The following ULK1 variants were observed in gnomAD, a reference collection of about 807,000 sequenced individuals.
ULK1 encodes unc-51 like autophagy activating kinase 1.
Under a neutral mutation model 117.5 loss-of-function variants are expected in ULK1, and 48 were observed. The ratio of observed to expected loss-of-function variants is 0.41; its 90% CI spans 0.32 to 0.52. ULK1 has a LOEUF of 0.52. ULK1 is among the 20% of genes least tolerant of loss of function. ULK1 has a pLI of 0.29. For missense variants in ULK1, 1,387 were observed against 1,473.4 expected (o/e 0.94, Z 0.96); for synonymous variants, 790 against 637.8 (o/e 1.24, Z -3.60).
At chr12:131,907,778 G>T (rs1420881765) in intron 5 of ULK1, among the ~76,000 whole-genome samples, 1 of 152,142 alleles carries the variant, frequency 6.6e-6, no homozygotes, top group Admixed American at 6.5e-5. Context: ...GACCAGAATA[G>T]CCCGAGGGGA....
rs902136105 is a variant in ULK1 at position 131,921,922 on chromosome 12, A to G, written c.*561A>G. 1 of 456,546 alleles carries G rather than the reference A, an allele frequency of 2.2e-6. No homozygotes were observed. Among genetic ancestry groups the G allele is most frequent in the African/African-American group, 2.0e-5 (1 of 50,098 alleles). The allele number at this position is 456,546 out of a possible 1,614,324, so 28.3% of individuals were successfully genotyped here. On this transcript the variant is annotated 3_prime_UTR_variant, in exon 28 of 28. Coordinates refer to ENST00000321867, the MANE Select transcript of ULK1 (RefSeq NM_003565.4). ...TGGCAGTGGCCTGGTGTTTGTACAT[A>G]CACATATGCAGACACATGCCAGGGC...
chr12:131,915,465 C>T lies in ULK1; in HGVS notation c.1609+44C>T, dbSNP rs772357359. 18 of 1,596,486 alleles carry T rather than the reference C, an allele frequency of 1.1e-5. No homozygotes were observed. In the East Asian group the frequency reaches 2.0e-4, roughly 18 times the overall value. On this transcript the variant is annotated intron_variant, in intron 18 of 27. Transcript: ENST00000321867. ...GGGGAGGGGGTGCTAGGCTGACCTC[C>T]CTCGCTCACGTTGTCATCCTGGTCT...
chr12:131,917,689 G>C, intron 22 of ULK1, 135 bp downstream of exon 22: 1 of 941,266 alleles, frequency 1.1e-6, no homozygotes, highest in Non-Finnish European at 1.4e-6. Context: ...AGCAGCTCAG[G>C]CCCCTGAGAA....
rs750357540 is a variant in ULK1, at chr12:131,917,096, A to ACGGGGC, written c.2182+34_2182+35insCGGGGC. 5.2e-4 allele frequency: 645 copies of ACGGGGC among 1,232,892 alleles called. 64 individuals are homozygous for ACGGGGC. The highest frequency in any genetic ancestry group is 5.7e-4 in the South Asian group (39 of 68,940). 76.4% of individuals were successfully genotyped at this position (1,232,892 alleles called of 1,614,324 possible). On this transcript the variant is annotated intron_variant, in intron 21 of 27. Coordinates refer to ENST00000321867, the MANE Select transcript of ULK1 (RefSeq NM_003565.4). ...GTGGGTGGGGCTCGGAGGCTGTGGG[A>ACGGGGC]TGGGGGTCGGAGGCTGTGGGATGGG...
At chr12:131,900,636 G>A (rs1285288213) in intron 3 of ULK1, among the ~76,000 whole-genome samples, 1 of 148,762 alleles carries the variant, frequency 6.7e-6, no homozygotes, top group African/African-American at 2.4e-5. Context: ...TGCTGATGGT[G>A]GCCCCCCTGG....
chr12:131,910,850 C>T (rs1566120660), intron 12 of ULK1, 50 bp downstream of exon 12: 1 of 1,607,448 alleles, frequency 6.2e-7, no homozygotes, highest in East Asian at 2.2e-5. Context: ...ACTCAGCAGT[C>T]AGGGGCTCCA....
At chr12:131,920,776 G>A (rs894407578) in intron 26 of ULK1, 5 of 354,982 alleles carry the variant, frequency 1.4e-5, no homozygotes, top group East Asian at 4.6e-5. Flanking sequence ...ACAAACATGG[G>A]AAAAGTCAGC....
chr12:131,912,084 T>G lies in ULK1; in HGVS notation c.1091T>G (p.Phe364Cys). 6.2e-7 allele frequency: 1 copy of G among 1,611,508 alleles called. No homozygotes were observed. The highest frequency in any genetic ancestry group is 8.5e-7 in the Non-Finnish European group (1 of 1,179,284). ...GACTTCGTCATGGTCCCCGCGCAGTTTCCAGGTCAGGGGGCACGCTGGGCT... is the reference window on the plus strand; with the variant it reads ...GACTTCGTCATGGTCCCCGCGCAGTGTCCAGGTCAGGGGGCACGCTGGGCT... ...TDDFVMVPAQ[F>C]PGDLVAEAPS... The change falls in exon 13 of 28, where the codon TTT (phenylalanine) becomes TGT (cysteine). Residue 364 changes from phenylalanine (F) to cysteine (C), a missense_variant. Coordinates refer to ENST00000321867, the MANE Select transcript of ULK1 (RefSeq NM_003565.4).
At chr12:131,914,249 C>A (rs1889673010) in intron 15 of ULK1, 103 bp from the exon 16 acceptor site, 3 of 1,536,270 alleles carry the variant, frequency 2.0e-6, no homozygotes, top group Non-Finnish European at 1.8e-6. Context: ...TCTGCCCTAA[C>A]TAGGAAGTCT....
At chr12:131,919,695 G>A (rs1593277687) in intron 25 of ULK1, 105 bp downstream of exon 25, 11 of 1,278,020 alleles carry the variant, frequency 8.6e-6, no homozygotes, top group Non-Finnish European at 1.2e-5. Context: ...GTAGGCCCCT[G>A]TGCAGAGGTG....
rs569199199 is a variant in ULK1, at chr12:131,921,414, C to T, written c.*53C>T. 790 of 1,597,860 alleles carry T rather than the reference C, an allele frequency of 4.9e-4. 1 individual carries two copies. The highest frequency in any genetic ancestry group is 5.6e-4 in the Non-Finnish European group (664 of 1,178,968). ...CCTGCCGAGCCCTGCAGAGTGGGCT[C>T]TGTGTGCTGGCTGGACTCCTCGGGA... On this transcript the variant is annotated 3_prime_UTR_variant, in exon 28 of 28. Transcript: ENST00000321867.
Position 131,915,168 on chromosome 12 carries a change from G to C in ULK1, c.1459G>C (p.Gly487Arg). The stretch of plus-strand genomic sequence containing the variant: ...CTCGCCCCCTGCCCACGCTGAGCAT[G>C]GAGGCGTCCTGGCCAGGAAGATGTC... ...SPSPPAHAEHGGVLARKMSLG... is the reference protein window; with the variant it reads ...SPSPPAHAEHRGVLARKMSLG... The change falls in exon 17 of 28, where the codon GGA (glycine) becomes CGA (arginine). Residue 487 changes from glycine to arginine, a missense_variant. Physicochemically the swap from Gly to Arg is moderately radical, Grantham distance 125. This residue lies in a region of ULK1 where 900 missense variants were observed against 858.9 expected (regional missense o/e 1.05). Transcript: ENST00000321867. 1 of 1,604,264 alleles carries C rather than the reference G, an allele frequency of 6.2e-7. No homozygotes were observed. The highest frequency in any genetic ancestry group is 8.5e-7 in the Non-Finnish European group (1 of 1,176,080).
chr12:131,907,444 AG>A, intron 4 of ULK1, 50 bp from the exon 5 acceptor site: 1 of 1,602,384 alleles, frequency 6.2e-7, no homozygotes, highest in Non-Finnish European at 8.5e-7. Context: ...CAGGGCTGGG[AG>A]GTGGGCCCTG....
rs1329567659 is a variant in ULK1 at position 131,919,533 on chromosome 12, A to G, written c.2746A>G (p.Ser916Gly). ...VAELLSSGLQ[S>G]AIDQIRAGKL... is the part of the protein sequence containing the mutation. ...CGAGCTACTGTCCTCCGGCCTGCAA[A>G]GTGCCATCGACCAGATCCGGGCCGG... The change falls in exon 25 of 28, where the codon AGT becomes GGT. Residue 916 changes from serine (S) to glycine (G), a missense_variant. Transcript: ENST00000321867. The G allele has an allele frequency of 6.2e-7, 1 of 1,612,242 alleles. No individual in the cohort carries two copies. Among genetic ancestry groups the G allele is most frequent in the Admixed American group, 1.7e-5 (1 of 60,014 alleles).
At chr12:131,909,075 C>A in intron 7 of ULK1, 61 bp from the exon 8 acceptor site, 1 of 1,604,664 alleles carries the variant, frequency 6.2e-7, no homozygotes, top group Non-Finnish European at 8.5e-7. Flanking sequence ...TGTGGCCTGG[C>A]GGGCACCTTC....
chr12:131,916,921 G>A (rs753210417), intron 20 of ULK1, 32 bp from the exon 21 acceptor site: 19 of 1,574,638 alleles, frequency 1.2e-5, no homozygotes, highest in South Asian at 8.0e-5. Flanking sequence ...GGGTGGGCCG[G>A]GCACCCAGCA....
At chr12:131,910,876 G>C in intron 12 of ULK1, 76 bp downstream of exon 12, 1 of 1,587,486 alleles carries the variant, frequency 6.3e-7, no homozygotes, top group Admixed American at 1.7e-5. Flanking sequence ...GGGCCCCCGC[G>C]GGGACGTGCT....
chr12:131,895,803 C>T lies in ULK1; in HGVS notation c.225C>T (p.Ile75=). 6.2e-7 allele frequency: 1 copy of T among 1,614,154 alleles called. No individual in the cohort carries two copies. The highest frequency in any genetic ancestry group is 8.5e-7 in the Non-Finnish European group (1 of 1,180,018). The change falls in exon 3 of 28, where the codon ATC becomes ATT. Residue 75 remains isoleucine, a synonymous_variant. Coordinates refer to ENST00000321867, the MANE Select transcript of ULK1 (RefSeq NM_003565.4). ...KILKELKHEN[I]VALYDFQEMA... ...CCTAGGAACTGAAACATGAAAACATCGTGGCCCTGTACGACTTCCAGGTAA... is the reference window on the plus strand; with the variant it reads ...CCTAGGAACTGAAACATGAAAACATTGTGGCCCTGTACGACTTCCAGGTAA...
At chr12:131,911,793 G>A (rs937326044) in intron 12 of ULK1, 149 bp from the exon 13 acceptor site, 15 of 1,108,268 alleles carry the variant, frequency 1.4e-5, no homozygotes, top group Non-Finnish European at 1.7e-5. Flanking sequence ...GAGAAGAGCG[G>A]AGCACAGGAA....
Sources: gnomAD v4.1 joint callset for allele counts (sites outside exome capture counted in the v4.1 genomes callset) on GRCh38, gnomAD v4.1.1 for gene constraint, gnomAD v4.1.1 regional missense constraint, MANE v1.5 for transcripts, NCBI Gene and HGNC (gene_info 2026-07-23, HGNC 2026-07-21) for gene names.